RASGRF1: variants seen among roughly 807,000 people sequenced by gnomAD.
RASGRF1 encodes the protein ras-specific guanine nucleotide-releasing factor 1.
RASGRF1 carries 40 observed loss-of-function variants against 138.7 expected under a neutral mutation model. The observed-to-expected ratio is 0.29, with a 90% CI of 0.22 to 0.38. The LOEUF is 0.38. Among genes scored for constraint, RASGRF1 ranks in the 10% least tolerant of loss-of-function variants. RASGRF1 has a pLI of 1.00. For missense variants in RASGRF1, 1,108 were observed against 1,650.4 expected, an observed-to-expected ratio of 0.67 and a Z score of 5.69; for synonymous variants, 614 against 663.2, an observed-to-expected ratio of 0.93 and a Z score of 1.14.
intron 10 of RASGRF1, among the ~76,000 whole-genome samples, chr15:79,023,766 C>T (rs998458622): frequency 6.6e-6 from 1 of 152,116 alleles, no homozygotes; most frequent in Non-Finnish European, 1.5e-5. Flanking sequence ...CTCCAGGTCT[C>T]CTGTGCTGGA....
rs2056781420 is a variant in RASGRF1, at chr15:79,010,861, C to G, written c.1827-4427G>C. On this transcript the variant is annotated intron_variant, in intron 13 of 26. Transcript: ENST00000558480. Reference sequence around the variant, plus strand: ...GGTGGCTGACCTGAGACGCTGACCGCTACATCCATCCACAGAGCTGCTGCG... The same window carrying G: ...GGTGGCTGACCTGAGACGCTGACCGGTACATCCATCCACAGAGCTGCTGCG... 1.3e-5 allele frequency among the ~76,000 whole-genome samples: 2 copies of G among 152,294 alleles called. 1 individual carries two copies. The highest frequency in any genetic ancestry group is 4.1e-4 in the South Asian group (2 of 4,828).
At chr15:78,966,394 G>A (rs757848238) in intron 26 of RASGRF1, among the ~76,000 whole-genome samples, 53 of 151,588 alleles carry the variant, frequency 3.5e-4, no homozygotes, top group Non-Finnish European at 5.0e-4. Context: ...GAGCCACTAC[G>A]CCTGGCTAAT....
intron 12 of RASGRF1, 29 bp from the exon 13 acceptor site, chr15:79,015,438 A>T: frequency 6.3e-7 from 1 of 1,589,004 alleles, no homozygotes; most frequent in Non-Finnish European, 8.6e-7. Context: ...CCCCAGGGTC[A>T]GAGCTCTCCA....
intron 24 of RASGRF1, chr15:78,979,275 T>G: frequency 1.9e-6 from 2 of 1,067,798 alleles, no homozygotes; most frequent in South Asian, 1.7e-5. Flanking sequence ...ACAGACCAAA[T>G]GCGGCAGGAA....
At position 79,059,963 on chromosome 15, in the gene RASGRF1, CTCACACACACACACACACAGACACACAG is replaced by C. The variant is rs1472202957; in HGVS notation, c.384-1510_384-1483del. Among the ~76,000 whole-genome samples the C allele has an allele frequency of 6.9e-3, 530 of 76,780 alleles. 1 individual carries two copies. The highest frequency in any genetic ancestry group is 0.01 in the Non-Finnish European group (356 of 34,686). The allele number at this position is 76,780 out of a possible 152,430, so 50.4% of individuals were successfully genotyped here. ...GACAGCCAGTGTCTCCACTGATACA[CTCACACACACACACACACAGACACACAG>C]ACACACACACACACACACACACACA... On this transcript the variant is annotated intron_variant, in intron 2 of 26. Coordinates refer to ENST00000558480, the MANE Select transcript of RASGRF1 (RefSeq NM_001145648.3).
chr15:79,055,764 G>C (rs1362652948), intron 3 of RASGRF1, among the ~76,000 whole-genome samples: 1 of 152,076 alleles, frequency 6.6e-6, no homozygotes, highest in African/African-American at 2.4e-5. Flanking sequence ...TCCTGACTTG[G>C]GTTCACAGCG....
chr15:79,034,018 A>T lies in RASGRF1; in HGVS notation c.958+1113T>A, dbSNP rs556921244. Among the ~76,000 whole-genome samples, 92 of 152,374 alleles carry T rather than the reference A, an allele frequency of 6.0e-4. 1 individual carries two copies. The South Asian group carries it at 0.019, about 31-fold the overall frequency. Reference sequence around the variant, plus strand: ...AATGTCTTCAACAATGCAACTGCAGAATATGCGGACCCCATCTTTCTAAGG... The same window carrying T: ...AATGTCTTCAACAATGCAACTGCAGTATATGCGGACCCCATCTTTCTAAGG... On this transcript the variant is annotated intron_variant, in intron 6 of 26. Coordinates refer to ENST00000558480, the MANE Select transcript of RASGRF1 (RefSeq NM_001145648.3).
chr15:79,003,374 G>C (rs1187657884), intron 15 of RASGRF1, among the ~76,000 whole-genome samples: 1 of 152,202 alleles, frequency 6.6e-6, no homozygotes, highest in Non-Finnish European at 1.5e-5. Context: ...TCTGGTCTGG[G>C]TCCTCAGCCA....
In RASGRF1 at chr15:79,042,354, A is replaced by C. The variant is rs138265167; in HGVS notation, c.878+4392T>G. On this transcript the variant is annotated intron_variant, in intron 5 of 26. Transcript: ENST00000558480. Reference sequence around the variant, plus strand: ...GAAAAAGCTTTCCAGCAAGTGAGCTAGCAGCTCCACCGTGGCTTATGACAC... The same window carrying C: ...GAAAAAGCTTTCCAGCAAGTGAGCTCGCAGCTCCACCGTGGCTTATGACAC... Among the ~76,000 whole-genome samples the C allele has an allele frequency of 5.0e-3, 763 of 152,360 alleles. 7 individuals carry two copies. Among genetic ancestry groups the C allele is most frequent in the African/African-American group, 0.017 (712 of 41,592 alleles).
chr15:79,039,186 A>C (rs1206116580), intron 5 of RASGRF1, among the ~76,000 whole-genome samples: 1 of 151,408 alleles, frequency 6.6e-6, no homozygotes, highest in Non-Finnish European at 1.5e-5. Flanking sequence ...TGGTGGTCCC[A>C]GCTACTAAGG....
intron 15 of RASGRF1, among the ~76,000 whole-genome samples, chr15:79,002,786 C>T (rs548128150): frequency 3.3e-5 from 5 of 152,318 alleles, no homozygotes; most frequent in South Asian, 2.1e-4. Context: ...TGGAGCCTGG[C>T]GGAGGATTTA....
chr15:79,049,987 T>C (rs963196015), intron 3 of RASGRF1, among the ~76,000 whole-genome samples: 3 of 152,218 alleles, frequency 2.0e-5, no homozygotes, highest in African/African-American at 7.2e-5. Context: ...TTTGCTGTGA[T>C]AAAACACATG....
rs149026966 is a variant in RASGRF1 at position 78,960,853 on chromosome 15, G to A, written c.*1291C>T. On this transcript the variant is annotated 3_prime_UTR_variant, in exon 27 of 27. Coordinates refer to ENST00000558480, the MANE Select transcript of RASGRF1 (RefSeq NM_001145648.3). The stretch of plus-strand genomic sequence containing the variant: ...CCAGGCTGGGCTGGGTAAGGAGCAA[G>A]TGCTCATCAAATATTCCTTGACTGA... 5.3e-5 allele frequency: 8 copies of A among 152,306 alleles called. No individual in the cohort carries two copies. The highest frequency in any genetic ancestry group is 1.9e-4 in the African/African-American group (8 of 41,564). 9.4% of individuals were successfully genotyped at this position (152,306 alleles called of 1,614,324 possible). A position where few individuals can be genotyped will look rare whatever the true frequency, so the allele number is the denominator to read the frequency against.
chr15:79,059,666 T>A (rs1049891685), intron 2 of RASGRF1, among the ~76,000 whole-genome samples: 3 of 152,140 alleles, frequency 2.0e-5, no homozygotes, highest in African/African-American at 7.2e-5. Context: ...TCTTCTGGTT[T>A]GGTATACAGT....
At chr15:79,022,137 G>A (rs1048956230) in intron 10 of RASGRF1, among the ~76,000 whole-genome samples, 9 of 152,172 alleles carry the variant, frequency 5.9e-5, no homozygotes, top group African/African-American at 2.2e-4. Context: ...AATGTGCTAA[G>A]AGACTTTTAA....
At chr15:79,041,498 G>A (rs2057296739) in intron 5 of RASGRF1, among the ~76,000 whole-genome samples, 1 of 152,206 alleles carries the variant, frequency 6.6e-6, no homozygotes, top group South Asian at 2.1e-4. Context: ...GGGACAGCAC[G>A]ACAAGGGGAC....
chr15:78,997,597 G>A (rs62011192), intron 19 of RASGRF1, among the ~76,000 whole-genome samples: 18,663 of 151,922 alleles, frequency 0.12, 1,260 homozygotes, highest in Admixed American at 0.15. Flanking sequence ...TTAGCTGGGC[G>A]TGGTGGCAGG....
chr15:79,049,115 G>A (rs1401128558), intron 4 of RASGRF1, among the ~76,000 whole-genome samples: 1 of 152,150 alleles, frequency 6.6e-6, no homozygotes, highest in African/African-American at 2.4e-5. Context: ...GGCAGTGGGG[G>A]TGGCATGCCA....
chr15:79,088,324 T>C (rs532031748), intron 1 of RASGRF1, among the ~76,000 whole-genome samples: 3 of 152,342 alleles, frequency 2.0e-5, no homozygotes, highest in South Asian at 4.1e-4. Context: ...GTGATTCGTC[T>C]AGATCTAACT....
Sources: gnomAD v4.1 joint callset for allele counts (sites outside exome capture counted in the v4.1 genomes callset) on GRCh38, gnomAD v4.1.1 for gene constraint, MANE v1.5 for transcripts, NCBI Gene and HGNC (gene_info 2026-07-23, HGNC 2026-07-21) for gene names.